The following CNTNAP4 variants were observed in gnomAD, a reference collection of about 807,000 sequenced individuals.
CNTNAP4 encodes the protein contactin associated protein family member 4, also known as contactin-associated protein-like 4.
CNTNAP4 carries 98 observed loss-of-function variants against 148.4 expected under a neutral mutation model. The observed-to-expected ratio is 0.66, with a 90% confidence interval of 0.56 to 0.78. The LOEUF is 0.78. Ranked by LOEUF, CNTNAP4 falls within the 30% of genes least tolerant of loss-of-function variation. The pLI is 0.00. For missense variants in CNTNAP4, 1,935 were observed against 1,565.6 expected (o/e 1.24, Z -3.98); for synonymous variants, 730 against 565.1 (o/e 1.29, Z -4.14).
At position 76,427,662 on chromosome 16, in the gene CNTNAP4, C is replaced by T. The variant is rs536182870; in HGVS notation, c.538+63C>T. ...CAAAAGAGATGTTTTAAAAGCCAAA[C>T]TACAAACTGAAATGGACTTTTTAGC... On this transcript the variant is annotated intron_variant, in intron 4 of 23. Transcript: ENST00000611870. 1,462 of 1,423,754 alleles carry T rather than the reference C, an allele frequency of 1.0e-3. 1 individual carries two copies. The highest frequency in any genetic ancestry group is 1.3e-3 in the Non-Finnish European group (1,377 of 1,063,020). The allele number at this position is 1,423,754 out of a possible 1,614,324, so 88.2% of individuals were successfully genotyped here. A position where few individuals can be genotyped will look rare whatever the true frequency, so the allele number is the denominator to read the frequency against.
At chr16:76,329,561 C>G (rs1305139515) in intron 2 of CNTNAP4, among the ~76,000 whole-genome samples, 12 of 152,134 alleles carry the variant, frequency 7.9e-5, no homozygotes, top group Non-Finnish European at 1.8e-4. Context: ...TAAAGTCTTT[C>G]TTTCGATTCT....
intron 1 of CNTNAP4, among the ~76,000 whole-genome samples, chr16:76,295,621 C>G (rs915598111): frequency 6.6e-6 from 1 of 152,110 alleles, no homozygotes; most frequent in African/African-American, 2.4e-5. Context: ...GAACAGGCAA[C>G]AACAGAGTTG....
intron 7 of CNTNAP4, among the ~76,000 whole-genome samples, chr16:76,452,235 A>G (rs1444653211): frequency 1.3e-5 from 2 of 152,208 alleles, no homozygotes; most frequent in Non-Finnish European, 2.9e-5. Context: ...TCGTTTGACC[A>G]AGACCAAATG....
At chr16:76,352,795 G>A (rs150203078) in intron 2 of CNTNAP4, among the ~76,000 whole-genome samples, 136 of 152,188 alleles carry the variant, frequency 8.9e-4, no homozygotes, top group African/African-American at 3.2e-3. Context: ...AGCAGTTCCC[G>A]CAGAGTTCAA....
intron 3 of CNTNAP4, among the ~76,000 whole-genome samples, chr16:76,361,752 A>G (rs1036229142): frequency 1.3e-5 from 2 of 152,202 alleles, no homozygotes; most frequent in Non-Finnish European, 2.9e-5. Context: ...GCTGTTTTCC[A>G]TGGTGGTTGT....
chr16:76,375,956 C>T (rs941437202), intron 3 of CNTNAP4, among the ~76,000 whole-genome samples: 1 of 152,120 alleles, frequency 6.6e-6, no homozygotes, highest in African/African-American at 2.4e-5. Flanking sequence ...TGACCTTGGG[C>T]AGTTGCTTTT....
chr16:76,374,856 C>A (rs1453627426), intron 3 of CNTNAP4, among the ~76,000 whole-genome samples: 1 of 151,664 alleles, frequency 6.6e-6, no homozygotes, highest in Admixed American at 6.6e-5. Flanking sequence ...GCAACCTCTG[C>A]CTCCTGGGTT....
intron 21 of CNTNAP4, among the ~76,000 whole-genome samples, chr16:76,546,033 CAA>C (rs34575100): frequency 1.4e-5 from 2 of 140,388 alleles, no homozygotes; most frequent in Admixed American, 1.4e-4. Context: ...GACTCCATTT[CAA>C]AAAAAAAAAG....
intron 9 of CNTNAP4, among the ~76,000 whole-genome samples, chr16:76,463,190 A>C (rs1449730145): frequency 6.6e-6 from 1 of 152,238 alleles, no homozygotes; most frequent in East Asian, 1.9e-4. Flanking sequence ...CCATAGTAAC[A>C]CATTCTTTTA....
At chr16:76,378,368 G>A (rs575349950) in intron 3 of CNTNAP4, among the ~76,000 whole-genome samples, 14 of 152,326 alleles carry the variant, frequency 9.2e-5, no homozygotes, top group Admixed American at 5.9e-4. Flanking sequence ...GGAAAACCAG[G>A]CCTCCACATG....
intron 4 of CNTNAP4, among the ~76,000 whole-genome samples, chr16:76,447,369 T>TATATGAA (rs397777735): frequency 1.3e-5 from 2 of 149,760 alleles, no homozygotes; most frequent in African/African-American, 4.9e-5. Context: ...TATATATATA[T>TATATGAA]GAGAAATTTA....
intron 2 of CNTNAP4, among the ~76,000 whole-genome samples, chr16:76,331,002 G>A (rs1963457098): frequency 6.6e-6 from 1 of 152,040 alleles, no homozygotes; most frequent in South Asian, 2.1e-4. Flanking sequence ...TTTAAAAATT[G>A]TGGTGAAATT....
At chr16:76,492,349 T>G (rs1469746185) in intron 13 of CNTNAP4, among the ~76,000 whole-genome samples, 1 of 152,176 alleles carries the variant, frequency 6.6e-6, no homozygotes, top group Non-Finnish European at 1.5e-5. Context: ...ATCAAAACAT[T>G]GCTTTGCACA....
chr16:76,522,322 A>G, intron 17 of CNTNAP4, 65 bp downstream of exon 17: 2 of 1,291,602 alleles, frequency 1.5e-6, no homozygotes, highest in Non-Finnish European at 2.2e-6. Context: ...CCCAAGATAA[A>G]ATAATACCAA....
chr16:76,424,570 A>G (rs1383745253), intron 3 of CNTNAP4, among the ~76,000 whole-genome samples: 1 of 152,070 alleles, frequency 6.6e-6, no homozygotes, highest in East Asian at 1.9e-4. Context: ...CCTGGCCAAC[A>G]TGGTAAAATC....
intron 10 of CNTNAP4, among the ~76,000 whole-genome samples, chr16:76,471,596 C>T (rs2081379282): frequency 6.6e-6 from 1 of 152,144 alleles, no homozygotes. Context: ...TCCATCCAGG[C>T]CCGTTGTTTT....
chr16:76,435,740 AGCTC>A (rs1296000182), intron 4 of CNTNAP4, among the ~76,000 whole-genome samples: 2 of 152,124 alleles, frequency 1.3e-5, no homozygotes, highest in African/African-American at 2.4e-5. Context: ...TCAGGCTTCC[AGCTC>A]GCTCACAGTG....
chr16:76,356,274 G>A (rs1477289954), intron 3 of CNTNAP4, among the ~76,000 whole-genome samples: 9 of 151,712 alleles, frequency 5.9e-5, no homozygotes, highest in Admixed American at 5.9e-4. Flanking sequence ...TGGTATATGG[G>A]GATTTATATA....
intron 15 of CNTNAP4, among the ~76,000 whole-genome samples, chr16:76,514,636 A>G (rs1019174961): frequency 1.3e-5 from 2 of 152,120 alleles, no homozygotes; most frequent in Non-Finnish European, 2.9e-5. Flanking sequence ...TCTCTTTTAT[A>G]TTGCTCTGCA....
Sources: gnomAD v4.1 joint callset for allele counts (sites outside exome capture counted in the v4.1 genomes callset) on GRCh38, gnomAD v4.1.1 for gene constraint, MANE v1.5 for transcripts, NCBI Gene and HGNC (gene_info 2026-07-23, HGNC 2026-07-21) for gene names.